Variants in USP24 observed in about 807,000 individuals in gnomAD.
USP24 encodes ubiquitin carboxyl-terminal hydrolase 24.
USP24 carries 97 observed loss-of-function variants against 361.6 expected under a neutral mutation model. The observed-to-expected ratio is 0.27, with a 90% CI of 0.23 to 0.32. The LOEUF (loss-of-function observed/expected upper bound fraction) is 0.32. Among genes scored for constraint, USP24 ranks in the 10% least tolerant of loss-of-function variants. The probability of loss-of-function intolerance (pLI) is 1.00; values close to 1 mark genes in which losing one functional copy is unlikely to be tolerated. For synonymous variants in USP24, 1,098 were observed against 1,124.6 expected (o/e 0.98, Z 0.47); for missense variants, 2,353 against 3,165.6 (o/e 0.74, Z 6.16).
rs969764900 is a variant in USP24, at chr1:55,067,983, T to G, written c.*1062A>C. 26 of 152,364 alleles carry G rather than the reference T, an allele frequency of 1.7e-4. No homozygotes were observed. Among genetic ancestry groups the G allele is most frequent in the African/African-American group, 5.5e-4 (23 of 41,592 alleles). The allele number at this position is 152,364 out of a possible 1,614,324, so 9.4% of individuals were successfully genotyped here. On this transcript the variant is annotated 3_prime_UTR_variant, in exon 68 of 68. Coordinates refer to ENST00000294383, the MANE Select transcript of USP24 (RefSeq NM_015306.3). Reference sequence around the variant, plus strand: ...CTGACTTTTCAGTGTTAATTAGTCATGTTGAGGAGAAACAAATTCTCAAAT... The same window carrying G: ...CTGACTTTTCAGTGTTAATTAGTCAGGTTGAGGAGAAACAAATTCTCAAAT...
In USP24 at chr1:55,093,970, C is replaced by T; in HGVS notation, c.6321G>A (p.Leu2107=). ...KLVKKGEKKG[L]FVEKMPARIY... ...TTCGAGCAGGCATTTTCTCCACAAA[C>T]AGTCCTTTCTTCTCGCCTTTTTTAA... Residue 2107 remains leucine, a synonymous_variant, in exon 52 of 68, where the codon CTG becomes CTA. Transcript: ENST00000294383. 1.2e-6 allele frequency: 2 copies of T among 1,613,814 alleles called. No homozygotes were observed. Among genetic ancestry groups the T allele is most frequent in the Admixed American group, 1.7e-5 (1 of 59,996 alleles).
At position 55,071,984 on chromosome 1, in the gene USP24, C is replaced by T. The variant is rs779902870; in HGVS notation, c.7690-60G>A. The T allele has an allele frequency of 8.8e-5, 126 of 1,439,978 alleles. 1 individual carries two copies. The highest frequency in any genetic ancestry group is 2.7e-4 in the Admixed American group (14 of 51,300). 89.2% of individuals were successfully genotyped at this position (1,439,978 alleles called of 1,614,324 possible). On this transcript the variant is annotated intron_variant, in intron 66 of 67. Transcript: ENST00000294383. ...GGGCCCATTCAGTGGCAGCAGCAACCGCCAGGGAAGACTACCTTTCATCTG... is the reference window on the plus strand; with the variant it reads ...GGGCCCATTCAGTGGCAGCAGCAACTGCCAGGGAAGACTACCTTTCATCTG...
intron 43 of USP24, 130 bp from the exon 44 acceptor site, chr1:55,101,094 C>T (rs1645622971): frequency 9.2e-7 from 1 of 1,087,228 alleles, no homozygotes; most frequent in Non-Finnish European, 1.3e-6. Flanking sequence ...GGCTATAATG[C>T]TGCAGATATT....
chr1:55,104,025 A>G lies in USP24; in HGVS notation c.4881-5T>C, dbSNP rs745743484. ...CGGCTATTCGCTGTACTACACCTAG[A>G]AACAAAAGACACAAGTCAATTTCAA... On this transcript the variant is annotated splice_polypyrimidine_tract_variant and splice_region_variant and intron_variant, in intron 41 of 67. Coordinates refer to ENST00000294383, the MANE Select transcript of USP24 (RefSeq NM_015306.3). The G allele has an allele frequency of 6.3e-6, 10 of 1,597,560 alleles. No individual in the cohort carries two copies. In the South Asian group the frequency reaches 1.1e-4, roughly 18 times the overall value.
intron 1 of USP24, among the ~76,000 whole-genome samples, chr1:55,209,648 C>T (rs980316756): frequency 6.6e-6 from 1 of 152,160 alleles, no homozygotes; most frequent in African/African-American, 2.4e-5. Flanking sequence ...AGTTTAAACA[C>T]AAATGAAAGA....
At chr1:55,103,209 C>A (rs1488542168) in intron 42 of USP24, among the ~76,000 whole-genome samples, 1 of 152,168 alleles carries the variant, frequency 6.6e-6, no homozygotes, top group African/African-American at 2.4e-5. Flanking sequence ...AATGGAATGA[C>A]CTTCCCACCT....
chr1:55,176,973 C>G (rs545299479), intron 2 of USP24, among the ~76,000 whole-genome samples: 2 of 152,080 alleles, frequency 1.3e-5, no homozygotes, highest in South Asian at 4.2e-4. Context: ...TGCCTGTTGT[C>G]CCGGCTACTT....
chr1:55,148,651 C>A lies in USP24; in HGVS notation c.1861-81G>T. On this transcript the variant is annotated intron_variant, in intron 16 of 67. Transcript: ENST00000294383. The stretch of plus-strand genomic sequence containing the variant: ...TTATTAGCTATAAAAAATTTCAAGT[C>A]AATCAGGTTTACTGTTACACATTTT... The A allele has an allele frequency of 2.9e-6, 3 of 1,050,632 alleles. No individual in the cohort carries two copies. In the South Asian group the frequency reaches 4.5e-5, roughly 16 times the overall value. The allele number at this position is 1,050,632 out of a possible 1,614,324, so 65.1% of individuals were successfully genotyped here.
chr1:55,120,624 T>C lies in USP24; in HGVS notation c.4480A>G (p.Thr1494Ala), dbSNP rs770343468. ...LTAQLPLWSPTSIMRGVNQRL... is the reference protein window; with the variant it reads ...LTAQLPLWSPASIMRGVNQRL... ...TGATTGACTCCTCTCATAATACTAGTTGGAGACCAGAGAGGCAGCTGAGCC... is the reference window on the plus strand; with the variant it reads ...TGATTGACTCCTCTCATAATACTAGCTGGAGACCAGAGAGGCAGCTGAGCC... The change falls in exon 38 of 68, where the codon ACT becomes GCT. Residue 1494 changes from threonine to alanine, a missense_variant. Transcript: ENST00000294383. 2 of 1,557,072 alleles carry C rather than the reference T, an allele frequency of 1.3e-6. No individual in the cohort carries two copies. Among genetic ancestry groups the C allele is most frequent in the South Asian group, 1.2e-5 (1 of 84,388 alleles).
At chr1:55,073,031 T>G in intron 64 of USP24, 170 bp from the exon 65 acceptor site, 3 of 618,234 alleles carry the variant, frequency 4.9e-6, no homozygotes, top group Non-Finnish European at 2.7e-6. Context: ...GAAATTACAA[T>G]TGCTTCCCCC....
rs1647774385 is a variant in USP24 at position 55,157,266 on chromosome 1, A to G, written c.1332T>C (p.Ile444=). 1.3e-6 allele frequency: 2 copies of G among 1,596,484 alleles called. No individual in the cohort carries two copies. The change falls in exon 11 of 68, where the codon ATT becomes ATC. Residue 444 remains isoleucine (I), a synonymous_variant. Transcript: ENST00000294383. ...DWLVENSVLS[I]ALEGNIDQAQ... ...TTGAAAGCAACTTACCTTCCAGTGC[A>G]ATCGACAGAACTGAGTTTTCAACTA...
chr1:55,215,126 C>T lies in USP24; in HGVS notation c.-13G>A, dbSNP rs1294976875. 8.0e-7 allele frequency: 1 copy of T among 1,251,254 alleles called. No individual in the cohort carries two copies. The highest frequency in any genetic ancestry group is 1.0e-6 in the Non-Finnish European group (1 of 991,902). The allele number at this position is 1,251,254 out of a possible 1,614,324, so 77.5% of individuals were successfully genotyped here. Reference sequence around the variant, plus strand: ...CCTCCGATTCCATGGCTTGGGCCTCCTGGCCGCCCCGGCCAGCGCACGGCG... The same window carrying T: ...CCTCCGATTCCATGGCTTGGGCCTCTTGGCCGCCCCGGCCAGCGCACGGCG... On this transcript the variant is annotated 5_prime_UTR_variant, in exon 1 of 68. Coordinates refer to ENST00000294383, the MANE Select transcript of USP24 (RefSeq NM_015306.3).
chr1:55,098,429 T>C (rs777661948), intron 46 of USP24, 47 bp downstream of exon 46: 1 of 1,527,458 alleles, frequency 6.5e-7, no homozygotes, highest in South Asian at 1.2e-5. Context: ...AACAAATCAC[T>C]TCAAAAGGAT....
intron 27 of USP24, 26 bp from the exon 28 acceptor site, chr1:55,137,714 T>C (rs1293796027): frequency 6.2e-7 from 1 of 1,602,360 alleles, no homozygotes; most frequent in Admixed American, 1.7e-5. Flanking sequence ...TCTTAATTAT[T>C]GAGAGGAAAA....
At chr1:55,187,140 A>G (rs543556725) in intron 1 of USP24, among the ~76,000 whole-genome samples, 22 of 152,264 alleles carry the variant, frequency 1.4e-4, no homozygotes, top group Admixed American at 1.0e-3. Flanking sequence ...AAAACCAATC[A>G]ATATAATAAC....
At chr1:55,152,789 G>A (rs971560580) in intron 16 of USP24, among the ~76,000 whole-genome samples, 18 of 152,048 alleles carry the variant, frequency 1.2e-4, no homozygotes, top group African/African-American at 4.1e-4. Flanking sequence ...AAATTCACCT[G>A]GTCACATTTC....
chr1:55,075,368 C>T (rs879177109), intron 63 of USP24, 89 bp downstream of exon 63: 17 of 1,265,790 alleles, frequency 1.3e-5, no homozygotes, highest in Middle Eastern at 1.9e-4. Flanking sequence ...TAGATCCCAC[C>T]GAGAGTAGCA....
chr1:55,072,023 C>T, intron 66 of USP24, 99 bp from the exon 67 acceptor site: 1 of 1,096,244 alleles, frequency 9.1e-7, no homozygotes, highest in Non-Finnish European at 1.3e-6. Flanking sequence ...TTCAGTGGGA[C>T]CGGAGGCCTG....
At chr1:55,166,844 G>C (rs1205845117) in intron 5 of USP24, among the ~76,000 whole-genome samples, 1 of 152,002 alleles carries the variant, frequency 6.6e-6, no homozygotes, top group Non-Finnish European at 1.5e-5. Flanking sequence ...ATGCATTTTT[G>C]GATAGCTGAG....
Sources: gnomAD v4.1 joint callset for allele counts (sites outside exome capture counted in the v4.1 genomes callset) on GRCh38, gnomAD v4.1.1 for gene constraint, MANE v1.5 for transcripts, NCBI Gene and HGNC (gene_info 2026-07-23, HGNC 2026-07-21) for gene names.